The following RHPN1 variants were observed in gnomAD, a reference collection of about 807,000 sequenced individuals.
The protein encoded by RHPN1 is rhophilin Rho GTPase binding protein 1, also known as rhophilin-1.
RHPN1 carries 77 observed loss-of-function variants against 74.7 expected under a neutral mutation model. The ratio of observed to expected loss-of-function variants is 1.03; its 90% CI spans 0.86 to 1.25. RHPN1 has a LOEUF of 1.25. RHPN1 is among the 50% of genes most tolerant of loss of function. The pLI is 0.00. For synonymous variants in RHPN1, 444 were observed against 414.5 expected (o/e 1.07, Z -0.87); for missense variants, 987 against 932.2 (o/e 1.06, Z -0.77).
chr8:143,377,505 A>T (rs752660687), intron 4 of RHPN1, 50 bp downstream of exon 4: 14 of 1,399,196 alleles, frequency 1.0e-5, no homozygotes, highest in Non-Finnish European at 1.4e-5. Context: ...CCCTGGGACC[A>T]AGGGGGTCTT....
At chr8:143,378,583 A>C (rs1316358558) in intron 5 of RHPN1, 113 bp from the exon 6 acceptor site, 4 of 1,391,412 alleles carry the variant, frequency 2.9e-6, no homozygotes, top group African/African-American at 1.4e-5. Context: ...CCAGGGCCCC[A>C]CTGGCTTTGC....
chr8:143,378,457 C>G lies in RHPN1; in HGVS notation c.459+111C>G, dbSNP rs949962182. On this transcript the variant is annotated intron_variant, in intron 5 of 14. Coordinates refer to ENST00000289013, the MANE Select transcript of RHPN1 (RefSeq NM_052924.3). The stretch of plus-strand genomic sequence containing the variant: ...GAGCTCAGCGTAGACATCTCGAGGA[C>G]GTGGGGAGACGGGCGCACCAGGGGC... 91 of 1,037,500 alleles carry G rather than the reference C, an allele frequency of 8.8e-5. No homozygotes were observed. The Middle Eastern group carries it at 1.5e-3, about 17-fold the overall frequency. 64.3% of individuals were successfully genotyped at this position (1,037,500 alleles called of 1,614,324 possible). A position where few individuals can be genotyped will look rare whatever the true frequency, so the allele number is the denominator to read the frequency against.
At chr8:143,375,033 G>C (rs115867141) in intron 1 of RHPN1, among the ~76,000 whole-genome samples, 4,575 of 152,266 alleles carry the variant, frequency 0.03, 209 homozygotes, top group African/African-American at 0.1. Context: ...GGGGGCCAGT[G>C]GCCGCCCCCA....
At chr8:143,381,175 G>A (rs1818697048) in intron 11 of RHPN1, 93 bp from the exon 12 acceptor site, 1 of 1,073,218 alleles carries the variant, frequency 9.3e-7, no homozygotes, top group Admixed American at 2.3e-5. Context: ...AGCGGGGCCT[G>A]TGTGCACTCA....
upstream of RHPN1, chr8:143,368,642 G>T (rs1474086797): frequency 1.6e-5 from 3 of 183,794 alleles, no homozygotes; most frequent in South Asian, 5.8e-4. Flanking sequence ...CAACCTGCCA[G>T]CCAGCCGCGG....
At position 143,379,889 on chromosome 8, in the gene RHPN1, G is replaced by A. The variant is rs749778767; in HGVS notation, c.1006G>A (p.Val336Met). The change falls in exon 9 of 15, where the codon GTG becomes ATG. Residue 336 changes from valine to methionine, a missense_variant. Physicochemically the swap from Val to Met is conservative, Grantham distance 21. Coordinates refer to ENST00000289013, the MANE Select transcript of RHPN1 (RefSeq NM_052924.3). ...GGCCCAGCCACCCGTCCACGACTAC[G>A]TGCCTGTCTCCTGGACTGCCCTGGT... Reference protein sequence around the residue: ...TMAQPPVHDYVPVSWTALVHV... With the variant: ...TMAQPPVHDYMPVSWTALVHV... 1.2e-5 allele frequency: 20 copies of A among 1,609,892 alleles called. No homozygotes were observed. The highest frequency in any genetic ancestry group is 6.7e-5 in the East Asian group (3 of 44,802).
chr8:143,365,983 CAGAG>C (rs1420923073), upstream of RHPN1, among the ~76,000 whole-genome samples: 3 of 144,006 alleles, frequency 2.1e-5, no homozygotes, highest in Non-Finnish European at 3.0e-5. Context: ...GCCTGGGCGA[CAGAG>C]AGCCACCCTG....
In RHPN1 at chr8:143,379,834, A is replaced by C; in HGVS notation, c.951A>C (p.Ala317=). Residue 317 remains alanine, a synonymous_variant, in exon 9 of 15, where the codon GCA becomes GCC. Transcript: ENST00000289013. ...CCTGCCACATCCACCGGCAGGTGGC[A>C]GCCGAGTACAGGCTAGTGCACCGGA... ...LRLAQEAAQV[A]AEYRLVHRTM... 6.2e-7 allele frequency: 1 copy of C among 1,607,700 alleles called. No homozygotes were observed. Among genetic ancestry groups the C allele is most frequent in the Non-Finnish European group, 8.5e-7 (1 of 1,177,408 alleles).
chr8:143,377,036 G>A (rs887288697), intron 3 of RHPN1, among the ~76,000 whole-genome samples: 1 of 72,902 alleles, frequency 1.4e-5, no homozygotes, highest in Admixed American at 1.7e-4. Flanking sequence ...GTGTATGCAC[G>A]TGTGTCTGTG....
intron 10 of RHPN1, 32 bp downstream of exon 10, chr8:143,380,207 C>G: frequency 7.1e-7 from 1 of 1,417,366 alleles, no homozygotes; most frequent in Non-Finnish European, 9.5e-7. Flanking sequence ...TGCCCTGGGG[C>G]TCAGATGGTC....
chr8:143,379,453 C>T lies in RHPN1; in HGVS notation c.890C>T (p.Ser297Phe). The change falls in exon 8 of 15, where the codon TCC becomes TTC. Residue 297 changes from serine to phenylalanine, a missense_variant. Physicochemically the swap from Ser to Phe is radical, Grantham distance 155. Coordinates refer to ENST00000289013, the MANE Select transcript of RHPN1 (RefSeq NM_052924.3). ...TTTGAGGGCCTCTCACCACCTGCCT[C>T]CATGGCCCCCCAAGACTGCCTGGCC... ...CVFEGLSPPA[S>F]MAPQDCLAQL... 1.9e-6 allele frequency: 3 copies of T among 1,571,920 alleles called. No homozygotes were observed. The highest frequency in any genetic ancestry group is 2.6e-6 in the Non-Finnish European group (3 of 1,159,186).
At position 143,382,537 on chromosome 8, in the gene RHPN1, C is replaced by T; in HGVS notation, c.1899C>T (p.Pro633=). The T allele has an allele frequency of 1.9e-6, 3 of 1,611,446 alleles. No individual in the cohort carries two copies. The highest frequency in any genetic ancestry group is 2.2e-5 in the South Asian group (2 of 90,910). The change falls in exon 15 of 15, where the codon CCC becomes CCT. Residue 633 remains proline, a synonymous_variant. Coordinates refer to ENST00000289013, the MANE Select transcript of RHPN1 (RefSeq NM_052924.3). ...TPASTWASPR[P]LLNWSRKAQQ... ...CATCCACGTGGGCCAGTCCCCGGCC[C>T]CTCCTCAACTGGAGCCGAAAGGCCC...
chr8:143,380,022 G>T, intron 9 of RHPN1, 37 bp downstream of exon 9: 1 of 1,549,818 alleles, frequency 6.5e-7, no homozygotes, highest in Non-Finnish European at 8.7e-7. Context: ...GTACTGCCAA[G>T]GCCCCCCCGC....
At chr8:143,364,863 ATGAT>A (rs1817540573), upstream of RHPN1, among the ~76,000 whole-genome samples, 1 of 152,154 alleles carries the variant, frequency 6.6e-6, no homozygotes, top group South Asian at 2.1e-4. This position sits in a 1 kb window ranked among gnomAD's most constrained non-coding sequence, Gnocchi z 4.5. Context: ...GCCTCCACAG[ATGAT>A]GCATTGGTGG....
chr8:143,381,805 A>G lies in RHPN1; in HGVS notation c.1636-2A>G, dbSNP rs1350048824. On this transcript the variant is annotated splice_acceptor_variant, in intron 13 of 14. Transcript: ENST00000289013. LOFTEE classifies it high-confidence loss of function. ...CACCTCACCGTCCAAGTCTCCCCAC[A>G]GGCGGCTGGCCTGAAGGAGGGCGAC... 1.9e-6 allele frequency: 3 copies of G among 1,611,872 alleles called. No individual in the cohort carries two copies. The highest frequency in any genetic ancestry group is 2.5e-6 in the Non-Finnish European group (3 of 1,179,378).
rs776743274 is a variant in RHPN1 at position 143,382,465 on chromosome 8, C to T, written c.1827C>T (p.Pro609=). ...ACCGCCGGCCCGTCCTGCTGGGCCC[C>T]AGGGGGCTTCTAAGGAGCCAGAGGG... is the stretch of plus-strand genomic sequence containing the variant. ...LGDRRPVLLG[P]RGLLRSQREH... Residue 609 remains proline, a synonymous_variant, in exon 15 of 15, where the codon CCC becomes CCT. Coordinates refer to ENST00000289013, the MANE Select transcript of RHPN1 (RefSeq NM_052924.3). 8 of 1,588,142 alleles carry T rather than the reference C, an allele frequency of 5.0e-6. No homozygotes were observed. Among genetic ancestry groups the T allele is most frequent in the Non-Finnish European group, 6.8e-6 (8 of 1,168,484 alleles).
At chr8:143,376,717 A>C (rs1250443594) in intron 3 of RHPN1, 64 bp downstream of exon 3, 1 of 1,496,508 alleles carries the variant, frequency 6.7e-7, no homozygotes, top group Admixed American at 2.0e-5. Flanking sequence ...GTGTGTGTGC[A>C]TGTGTGTGCA....
chr8:143,376,807 C>T (rs566982508), intron 3 of RHPN1, among the ~76,000 whole-genome samples, 154 bp downstream of exon 3: 220 of 137,578 alleles, frequency 1.6e-3, no homozygotes, highest in Non-Finnish European at 2.6e-3. Context: ...CATGTCTGTG[C>T]GCGTGTGTCT....
chr8:143,370,517 G>A (rs933667821), intron 1 of RHPN1, among the ~76,000 whole-genome samples: 3 of 152,234 alleles, frequency 2.0e-5, no homozygotes, highest in African/African-American at 2.4e-5. Flanking sequence ...GGGGTCGGTC[G>A]TTCATCCACT....
Sources: gnomAD v4.1 joint callset for allele counts (sites outside exome capture counted in the v4.1 genomes callset) on GRCh38, gnomAD v4.1.1 for gene constraint, Gnocchi (gnomAD v3.1) non-coding constraint, MANE v1.5 for transcripts, NCBI Gene and HGNC (gene_info 2026-07-23, HGNC 2026-07-21) for gene names.